Variants in DUSP16 observed in about 807,000 individuals in gnomAD.
DUSP16 encodes the protein dual specificity phosphatase 16, also known as dual specificity protein phosphatase 16.
In DUSP16, 21 loss-of-function variants were observed where a neutral mutation model predicts 58.3. That is an observed-to-expected ratio of 0.36 (90% confidence interval 0.26 to 0.52). The LOEUF is 0.52. Among genes scored for constraint, DUSP16 ranks in the 20% least tolerant of loss-of-function variants. The pLI is 0.94. For synonymous variants in DUSP16, 320 were observed against 323.8 expected, an observed-to-expected ratio of 0.99 and a Z score of 0.12; for missense variants, 726 against 819.0, an observed-to-expected ratio of 0.89 and a Z score of 1.39.
intron 4 of DUSP16, among the ~76,000 whole-genome samples, chr12:12,490,623 T>G (rs1943749050): frequency 6.6e-6 from 1 of 152,096 alleles, no homozygotes; most frequent in Non-Finnish European, 1.5e-5. Flanking sequence ...GACCACAGCT[T>G]CTTGTTTTCT....
chr12:12,501,221 A>C (rs1285003692), intron 3 of DUSP16, among the ~76,000 whole-genome samples: 1 of 152,156 alleles, frequency 6.6e-6, no homozygotes, highest in Non-Finnish European at 1.5e-5. Context: ...ATATTCTATC[A>C]AGTTCTGGGG....
chr12:12,551,627 G>A (rs544749684), intron 1 of DUSP16, among the ~76,000 whole-genome samples: 1 of 151,512 alleles, frequency 6.6e-6, no homozygotes, highest in African/African-American at 2.4e-5. Context: ...TAATGACTGT[G>A]ATTTGCTTAA....
Position 12,477,904 on chromosome 12 carries a change from G to C in DUSP16, c.927C>G (p.Ser309Arg). ...TCTCCAGGTGCAGCAGCTTGAGTTT[G>C]CTCTTTGGCCCTGATGCTCCAGTCT... ...KNQTGASGPK[S>R]KLKLLHLEKP... Residue 309 changes from serine to arginine, a missense_variant, in exon 7 of 7, where the codon AGC becomes AGG. By Grantham distance (110) the Ser-to-Arg change is moderately radical. Coordinates refer to ENST00000298573, the MANE Select transcript of DUSP16 (RefSeq NM_030640.3). The surrounding 1 kb of genome is among the most constrained non-coding windows in gnomAD (Gnocchi z 4.1). 1.2e-6 allele frequency: 2 copies of C among 1,614,184 alleles called. No homozygotes were observed. The highest frequency in any genetic ancestry group is 1.7e-6 in the Non-Finnish European group (2 of 1,180,046).
chr12:12,509,332 T>TTAC (rs1944042897), intron 3 of DUSP16, among the ~76,000 whole-genome samples: 1 of 151,938 alleles, frequency 6.6e-6, no homozygotes, highest in African/African-American at 2.4e-5. Flanking sequence ...CAAGCACAAG[T>TTAC]TACACCTCTT....
chr12:12,542,388 G>GAAAAAA (rs56822339), intron 1 of DUSP16, among the ~76,000 whole-genome samples: 13 of 109,648 alleles, frequency 1.2e-4, no homozygotes, highest in South Asian at 3.1e-4. Context: ...AAAGAAAAGA[G>GAAAAAA]AAAAAAAAAA....
At chr12:12,520,594 TATAGA>T (rs773722967) in intron 2 of DUSP16, among the ~76,000 whole-genome samples, 40 of 152,322 alleles carry the variant, frequency 2.6e-4, no homozygotes, top group Non-Finnish European at 5.3e-4. Flanking sequence ...TTGCAGATAA[TATAGA>T]ATAGTGTTTA....
chr12:12,516,147 T>C (rs1053922760), intron 3 of DUSP16, among the ~76,000 whole-genome samples: 4 of 151,540 alleles, frequency 2.6e-5, no homozygotes, highest in African/African-American at 9.8e-5. Flanking sequence ...GATAATTTTG[T>C]GTTTTGTTTT....
At chr12:12,521,986 G>A (rs1361105559) in intron 1 of DUSP16, among the ~76,000 whole-genome samples, 7 of 152,188 alleles carry the variant, frequency 4.6e-5, no homozygotes, top group Admixed American at 3.3e-4. Context: ...GTGAGCTCAC[G>A]CGAGTACCAG....
At chr12:12,556,040 C>CA (rs917403037) in intron 1 of DUSP16, among the ~76,000 whole-genome samples, 3 of 151,722 alleles carry the variant, frequency 2.0e-5, no homozygotes, top group African/African-American at 7.3e-5. Context: ...GACCATGTCT[C>CA]AAAAAAATAA....
intron 1 of DUSP16, among the ~76,000 whole-genome samples, chr12:12,548,094 T>C (rs750128505): frequency 9.2e-5 from 14 of 152,200 alleles, no homozygotes; most frequent in Non-Finnish European, 1.9e-4. Flanking sequence ...CCCTGAACTA[T>C]ATCACATCTA....
chr12:12,528,084 T>C (rs1944330820), intron 1 of DUSP16, among the ~76,000 whole-genome samples: 1 of 152,192 alleles, frequency 6.6e-6, no homozygotes, highest in South Asian at 2.1e-4. Flanking sequence ...CTCTTGTCTT[T>C]TTCTTAGTAC....
chr12:12,523,176 C>T (rs1192299693), intron 1 of DUSP16, among the ~76,000 whole-genome samples: 1 of 152,164 alleles, frequency 6.6e-6, no homozygotes, highest in Non-Finnish European at 1.5e-5. Context: ...ATCACATAAC[C>T]TCTCTAAACC....
rs1220827645 is a variant in DUSP16 at position 12,500,549 on chromosome 12, A to G, written c.501T>C (p.Tyr167=). ...TGAGGACATCTCGCTGGCAGCCAAGATAAAGATTGGGAAGAATTCGGGTTG... is the reference window on the plus strand; with the variant it reads ...TGAGGACATCTCGCTGGCAGCCAAGGTAAAGATTGGGAAGAATTCGGGTTG... ...IGPTRILPNL[Y]LGCQRDVLNK... Residue 167 remains tyrosine (Y), a synonymous_variant, in exon 4 of 7, where the codon TAT becomes TAC. Transcript: ENST00000298573. The G allele has an allele frequency of 6.2e-7, 1 of 1,611,160 alleles. No individual in the cohort carries two copies. The highest frequency in any genetic ancestry group is 1.3e-5 in the African/African-American group (1 of 74,914).
At chr12:12,555,375 C>T (rs1481434111) in intron 1 of DUSP16, among the ~76,000 whole-genome samples, 3 of 152,126 alleles carry the variant, frequency 2.0e-5, no homozygotes, top group South Asian at 2.1e-4. Flanking sequence ...TATAATGGAA[C>T]GGCTATAAAA....
intron 1 of DUSP16, among the ~76,000 whole-genome samples, chr12:12,538,562 A>T (rs1944505649): frequency 6.6e-6 from 1 of 152,366 alleles, no homozygotes; most frequent in Admixed American, 6.5e-5. Flanking sequence ...GCAAATTTTA[A>T]TAGGCTCCTG....
At chr12:12,484,607 C>T (rs898197933) in intron 5 of DUSP16, among the ~76,000 whole-genome samples, 4 of 151,956 alleles carry the variant, frequency 2.6e-5, no homozygotes, top group Non-Finnish European at 4.4e-5. Flanking sequence ...GGAACATTAA[C>T]CGTAATTTAT....
intron 3 of DUSP16, among the ~76,000 whole-genome samples, chr12:12,518,513 A>C (rs79226600): frequency 7.2e-6 from 1 of 139,496 alleles, no homozygotes; most frequent in Admixed American, 7.1e-5. Flanking sequence ...ATTCTGTCTC[A>C]AAAAAAAAAA....
intron 4 of DUSP16, among the ~76,000 whole-genome samples, chr12:12,491,942 T>C (rs150554789): frequency 6.6e-6 from 1 of 152,322 alleles, no homozygotes; most frequent in Non-Finnish European, 1.5e-5. Context: ...TTCATCCCCA[T>C]GATGTCTGTC....
At chr12:12,544,365 T>C (rs919196043) in intron 1 of DUSP16, among the ~76,000 whole-genome samples, 11 of 152,242 alleles carry the variant, frequency 7.2e-5, no homozygotes, top group African/African-American at 2.7e-4. Context: ...CTTCCACTGA[T>C]GGACATGTGG....
Sources: allele counts gnomAD v4.1 joint callset (sites outside exome capture counted in the v4.1 genomes callset), GRCh38; gene constraint gnomAD v4.1.1; non-coding constraint Gnocchi (gnomAD v3.1); transcripts MANE v1.5; gene names NCBI Gene and HGNC (gene_info 2026-07-23, HGNC 2026-07-21).